The following FSCN1 variants were observed in gnomAD, a reference collection of about 807,000 sequenced individuals.
FSCN1 encodes the protein fascin.
In FSCN1, 10 loss-of-function variants were observed where a neutral mutation model predicts 39.7. That is an observed-to-expected ratio of 0.25 (90% CI 0.16 to 0.43). The LOEUF (loss-of-function observed/expected upper bound fraction) is 0.43, where lower values mean the gene tolerates loss of function less well. Ranked by LOEUF, FSCN1 falls within the 20% of genes least tolerant of loss-of-function variation. The pLI is 1.00. For synonymous variants in FSCN1, 322 were observed against 320.0 expected (o/e 1.01, Z -0.07); for missense variants, 525 against 723.8 (o/e 0.73, Z 3.15).
rs147229885 is a variant in FSCN1 at position 5,599,698 on chromosome 7, G to A, written c.833-3559G>A. 1.7e-3 allele frequency among the ~76,000 whole-genome samples: 258 copies of A among 152,124 alleles called. 1 individual carries two copies. The highest frequency in any genetic ancestry group is 6.0e-3 in the African/African-American group (248 of 41,498). Reference sequence around the variant, plus strand: ...GTGAGTGCCTGTGGTCCCACCTACTGGGGAGACTGAGGCAAGAGGATCCTT... The same window carrying A: ...GTGAGTGCCTGTGGTCCCACCTACTAGGGAGACTGAGGCAAGAGGATCCTT... On this transcript the variant is annotated intron_variant, in intron 1 of 4. Coordinates refer to ENST00000382361, the MANE Select transcript of FSCN1 (RefSeq NM_003088.4). This position sits in a 1 kb window ranked among gnomAD's most constrained non-coding sequence, Gnocchi z 5.6.
intron 1 of FSCN1, among the ~76,000 whole-genome samples, chr7:5,595,300 C>G (rs1206143356): frequency 1.3e-5 from 2 of 152,226 alleles, no homozygotes; most frequent in Non-Finnish European, 2.9e-5. Flanking sequence ...GGTGAAGCTG[C>G]TTGTCATGGG....
chr7:5,598,375 C>T (rs1785768022), intron 1 of FSCN1, among the ~76,000 whole-genome samples: 1 of 152,236 alleles, frequency 6.6e-6, no homozygotes, highest in African/African-American at 2.4e-5. Context: ...GGGAAGCTCC[C>T]TTTCTTCTCT....
rs147074685 is a variant in FSCN1, at chr7:5,601,779, A to G, written c.833-1478A>G. On this transcript the variant is annotated intron_variant, in intron 1 of 4. Coordinates refer to ENST00000382361, the MANE Select transcript of FSCN1 (RefSeq NM_003088.4). ...CACTTGAGCCCAGGAAGTCGAGGCT[A>G]CAGTGAGCTATGATTGTGCCACTGC... 2.5e-3 allele frequency among the ~76,000 whole-genome samples: 375 copies of G among 152,218 alleles called. 1 individual carries two copies. Among genetic ancestry groups the G allele is most frequent in the African/African-American group, 8.7e-3 (363 of 41,556 alleles).
At chr7:5,598,560 C>T (rs549340252) in intron 1 of FSCN1, among the ~76,000 whole-genome samples, 12 of 152,358 alleles carry the variant, frequency 7.9e-5, no homozygotes, top group Non-Finnish European at 1.5e-4. Context: ...GGCTGGTAAG[C>T]GCCCTGCTTA....
intron 1 of FSCN1, among the ~76,000 whole-genome samples, chr7:5,600,366 A>G (rs1460852354): frequency 1.3e-5 from 2 of 151,538 alleles, no homozygotes; most frequent in African/African-American, 2.4e-5. Context: ...GTGAGGCGAG[A>G]TCGTGCCATT....
At chr7:5,602,266 G>T (rs1785846566) in intron 1 of FSCN1, among the ~76,000 whole-genome samples, 1 of 150,406 alleles carries the variant, frequency 6.6e-6, no homozygotes, top group South Asian at 2.1e-4. Context: ...TGAACTCCTG[G>T]TCTCAAATGA....
intron 1 of FSCN1, among the ~76,000 whole-genome samples, chr7:5,600,741 C>T (rs1279226017): frequency 4.6e-5 from 7 of 151,842 alleles, no homozygotes; most frequent in African/African-American, 7.3e-5. Flanking sequence ...GCAAGCTCCA[C>T]CTCCCGGGTT....
chr7:5,603,424 C>A lies in FSCN1; in HGVS notation c.989+11C>A. ...CACCGCCTCCAGCAAGTGAGTGCCT[C>A]GCTCCCACCTGTCACCGCCCCCACC... On this transcript the variant is annotated intron_variant, in intron 2 of 4. Coordinates refer to ENST00000382361, the MANE Select transcript of FSCN1 (RefSeq NM_003088.4). This position sits in a 1 kb window ranked among gnomAD's most constrained non-coding sequence, Gnocchi z 8.5. 1.2e-6 allele frequency: 2 copies of A among 1,613,734 alleles called. No individual in the cohort carries two copies. Among genetic ancestry groups the A allele is most frequent in the Non-Finnish European group, 8.5e-7 (1 of 1,179,978 alleles).
intron 1 of FSCN1, among the ~76,000 whole-genome samples, chr7:5,597,467 G>T (rs2128549093): frequency 6.6e-6 from 1 of 152,198 alleles, no homozygotes; most frequent in East Asian, 1.9e-4. Context: ...GGGAGTTTGA[G>T]ACCAGTCTGA....
At chr7:5,594,368 G>T (rs190258357) in intron 1 of FSCN1, among the ~76,000 whole-genome samples, 2 of 151,964 alleles carry the variant, frequency 1.3e-5, no homozygotes, top group Admixed American at 6.5e-5. Flanking sequence ...TGGTGGGGGG[G>T]GGCGCGGGGT....
At chr7:5,595,920 G>T (rs1179542732) in intron 1 of FSCN1, among the ~76,000 whole-genome samples, 1 of 152,152 alleles carries the variant, frequency 6.6e-6, no homozygotes, top group Non-Finnish European at 1.5e-5. Context: ...AGCTTGCTGG[G>T]GGCGTCTGGT....
At chr7:5,600,637 G>A (rs1328675242) in intron 1 of FSCN1, among the ~76,000 whole-genome samples, 6 of 148,122 alleles carry the variant, frequency 4.1e-5, no homozygotes, top group Admixed American at 6.7e-5. Flanking sequence ...GATTACAGGC[G>A]CCCGGCACCA....
In FSCN1 at chr7:5,599,083, C is replaced by T. The variant is rs762022831; in HGVS notation, c.833-4174C>T. Among the ~76,000 whole-genome samples the T allele has an allele frequency of 6.6e-6, 1 of 151,004 alleles. No homozygotes were observed. Among genetic ancestry groups the T allele is most frequent in the Non-Finnish European group, 1.5e-5 (1 of 67,768 alleles). On this transcript the variant is annotated intron_variant, in intron 1 of 4. Transcript: ENST00000382361. The surrounding 1 kb of genome is among the most constrained non-coding windows in gnomAD (Gnocchi z 5.6). The stretch of plus-strand genomic sequence containing the variant: ...CTGAGTGAGCAGAGGCCCCAGCCCT[C>T]GTGTTCCCTGGGGTGTGGCCTTAGG...
chr7:5,596,545 T>C (rs1323120803), intron 1 of FSCN1, among the ~76,000 whole-genome samples: 1 of 152,166 alleles, frequency 6.6e-6, no homozygotes, highest in African/African-American at 2.4e-5. Context: ...GATCCACACC[T>C]ACCCTGGCCC....
chr7:5,601,036 G>A (rs537794474), intron 1 of FSCN1, among the ~76,000 whole-genome samples: 54 of 149,162 alleles, frequency 3.6e-4, no homozygotes, highest in Non-Finnish European at 6.6e-4. Context: ...TGATCCGCCC[G>A]CCTCGGCCTC....
At chr7:5,596,040 G>C (rs1229098531) in intron 1 of FSCN1, among the ~76,000 whole-genome samples, 3 of 151,756 alleles carry the variant, frequency 2.0e-5, no homozygotes, top group Non-Finnish European at 4.4e-5. Flanking sequence ...CGGGGGTGGG[G>C]GTACTTGGGG....
chr7:5,592,912 C>T lies in FSCN1; in HGVS notation c.-25C>T. On this transcript the variant is annotated 5_prime_UTR_variant, in exon 1 of 5. Coordinates refer to ENST00000382361, the MANE Select transcript of FSCN1 (RefSeq NM_003088.4). The surrounding 1 kb of genome is among the most constrained non-coding windows in gnomAD (Gnocchi z 5.3). ...CCGCCACCCACCTCCCGGGGCCGCG[C>T]AGCGGCCTCTCGTCTACTGCCACCA... 1 of 1,409,316 alleles carries T rather than the reference C, an allele frequency of 7.1e-7. No individual in the cohort carries two copies. The highest frequency in any genetic ancestry group is 9.4e-7 in the Non-Finnish European group (1 of 1,060,196). The allele number at this position is 1,409,316 out of a possible 1,614,324, so 87.3% of individuals were successfully genotyped here. A position where few individuals can be genotyped will look rare whatever the true frequency, so the allele number is the denominator to read the frequency against.
chr7:5,601,417 GGTCTT>G (rs2128549751), intron 1 of FSCN1, among the ~76,000 whole-genome samples: 1 of 151,410 alleles, frequency 6.6e-6, no homozygotes, highest in South Asian at 2.1e-4. Flanking sequence ...TGGCAAGGCT[GGTCTT>G]GAACTCATGA....
intron 1 of FSCN1, among the ~76,000 whole-genome samples, chr7:5,595,537 A>G (rs556213223): frequency 6.6e-6 from 1 of 152,316 alleles, no homozygotes; most frequent in South Asian, 2.1e-4. Flanking sequence ...GGTACAGGTT[A>G]TTAGATGGCT....
Sources: allele counts gnomAD v4.1 joint callset (sites outside exome capture counted in the v4.1 genomes callset), GRCh38; gene constraint gnomAD v4.1.1; non-coding constraint Gnocchi (gnomAD v3.1); transcripts MANE v1.5; gene names NCBI Gene and HGNC (gene_info 2026-07-23, HGNC 2026-07-21).